Variants in PDE10A observed in about 807,000 individuals in gnomAD.
PDE10A encodes the protein phosphodiesterase 10A.
In PDE10A, 39 loss-of-function variants were observed where a neutral mutation model predicts 97.7. The observed-to-expected ratio is 0.40, with a 90% CI of 0.31 to 0.52. PDE10A has a LOEUF of 0.52. PDE10A is among the 20% of genes least tolerant of loss of function. The pLI is 0.56. For synonymous variants in PDE10A, 371 were observed against 376.8 expected, an observed-to-expected ratio of 0.98 and a Z score of 0.18; for missense variants, 731 against 1,047.8, an observed-to-expected ratio of 0.70 and a Z score of 4.17.
chr6:165,923,597 T>A (rs1038992645), intron 1 of PDE10A, among the ~76,000 whole-genome samples: 15 of 152,216 alleles, frequency 9.9e-5, no homozygotes, highest in African/African-American at 3.6e-4. Context: ...TCAGAGCATG[T>A]GAGTCCTTCA....
intron 1 of PDE10A, among the ~76,000 whole-genome samples, chr6:165,681,288 A>G (rs4709958): frequency 0.87 from 132,320 of 152,252 alleles, 57,688 homozygotes; most frequent in South Asian, 0.92. Context: ...CCTGTTTCCT[A>G]ATACTTAGTT....
intron 1 of PDE10A, among the ~76,000 whole-genome samples, chr6:165,631,089 A>G (rs2128414648): frequency 6.6e-6 from 1 of 152,368 alleles, no homozygotes; most frequent in South Asian, 2.1e-4. Context: ...CATAAAATGA[A>G]GAAATGTCTA....
intron 19 of PDE10A, among the ~76,000 whole-genome samples, chr6:165,342,176 T>C (rs1279710057): frequency 9.9e-6 from 1 of 100,604 alleles, no homozygotes; most frequent in African/African-American, 5.9e-5. Context: ...ACTTATGGCA[T>C]ACTTAAATTT....
chr6:165,413,744 G>T, intron 12 of PDE10A, 57 bp from the exon 13 acceptor site: 1 of 1,384,654 alleles, frequency 7.2e-7, no homozygotes, highest in Non-Finnish European at 1.0e-6. Context: ...AAGAAATAAA[G>T]GACACAGTCA....
intron 2 of PDE10A, among the ~76,000 whole-genome samples, chr6:165,525,397 A>G (rs898334300): frequency 6.6e-6 from 1 of 152,076 alleles, no homozygotes; most frequent in East Asian, 1.9e-4. Context: ...GGTTAGTTGA[A>G]ATATGCATTA....
intron 4 of PDE10A, 123 bp from the exon 5 acceptor site, chr6:165,449,100 C>A: frequency 2.9e-6 from 2 of 688,368 alleles, no homozygotes; most frequent in South Asian, 1.8e-5. Context: ...AATCAATGGT[C>A]ATGCAGTAAA....
At chr6:165,771,834 G>A (rs1261004120) in intron 1 of PDE10A, among the ~76,000 whole-genome samples, 1 of 152,188 alleles carries the variant, frequency 6.6e-6, no homozygotes, top group Admixed American at 6.5e-5. Flanking sequence ...TGAATGCTAG[G>A]TGGCCTGTGG....
intron 1 of PDE10A, among the ~76,000 whole-genome samples, chr6:165,744,642 CATT>C (rs898682008): frequency 3.0e-4 from 45 of 151,808 alleles, no homozygotes; most frequent in African/African-American, 1.1e-3. Flanking sequence ...ACTGGGGAGT[CATT>C]ATCTTGTTTA....
chr6:165,919,610 T>A (rs1031291730), intron 1 of PDE10A, among the ~76,000 whole-genome samples: 5 of 152,210 alleles, frequency 3.3e-5, no homozygotes, highest in African/African-American at 9.6e-5. Context: ...CCTTTCTTTT[T>A]CTATTTACAG....
chr6:165,724,835 G>A (rs765835133), intron 1 of PDE10A, among the ~76,000 whole-genome samples: 2 of 152,268 alleles, frequency 1.3e-5, no homozygotes, highest in East Asian at 1.9e-4. Context: ...CAGCAGCATC[G>A]GCTTCCAGTG....
intron 1 of PDE10A, among the ~76,000 whole-genome samples, chr6:165,691,106 T>TCTCTCTCCCC (rs143783728): frequency 1.8e-4 from 7 of 39,130 alleles, no homozygotes; most frequent in Non-Finnish European, 2.3e-4. Flanking sequence ...TCTTTCTCTC[T>TCTCTCTCCCC]CCCCCCCCCC....
chr6:165,966,195 G>C (rs1784504787), intron 1 of PDE10A, among the ~76,000 whole-genome samples: 1 of 152,084 alleles, frequency 6.6e-6, no homozygotes, highest in Non-Finnish European at 1.5e-5. Context: ...TCTGCAGAAA[G>C]AGTGGAAAAG....
At chr6:165,454,985 C>A (rs1562482785) in intron 3 of PDE10A, among the ~76,000 whole-genome samples, 1 of 152,078 alleles carries the variant, frequency 6.6e-6, no homozygotes, top group East Asian at 1.9e-4. Context: ...GGAGAAGAAT[C>A]CTACTATGCC....
intron 1 of PDE10A, among the ~76,000 whole-genome samples, chr6:165,810,129 G>A: frequency 6.6e-6 from 1 of 152,138 alleles, no homozygotes; most frequent in South Asian, 2.1e-4. Flanking sequence ...CAAGCCAGGT[G>A]GTTCAGGAGA....
chr6:165,376,076 C>G (rs1784587861), intron 18 of PDE10A, among the ~76,000 whole-genome samples: 1 of 152,182 alleles, frequency 6.6e-6, no homozygotes, highest in African/African-American at 2.4e-5. Flanking sequence ...GTAACTTTGT[C>G]CTTCAAGTCC....
intron 1 of PDE10A, among the ~76,000 whole-genome samples, chr6:165,551,932 A>G (rs901956216): frequency 4.6e-5 from 7 of 152,086 alleles, no homozygotes; most frequent in East Asian, 3.9e-4. Context: ...ACTTAGCCCT[A>G]TGCTTCCCCC....
At chr6:165,612,430 G>T (rs563112028) in intron 1 of PDE10A, among the ~76,000 whole-genome samples, 1 of 151,822 alleles carries the variant, frequency 6.6e-6, no homozygotes, top group African/African-American at 2.4e-5. Flanking sequence ...AGGCTGGAGC[G>T]CAGTGGCACA....
At chr6:165,459,185 C>G (rs936089839) in intron 3 of PDE10A, among the ~76,000 whole-genome samples, 2 of 152,240 alleles carry the variant, frequency 1.3e-5, no homozygotes, top group South Asian at 4.1e-4. Context: ...TGGCTGCCTC[C>G]CTGACTTCCT....
intron 1 of PDE10A, among the ~76,000 whole-genome samples, chr6:165,653,278 C>T (rs1382265903): frequency 6.6e-6 from 1 of 152,166 alleles, no homozygotes; most frequent in African/African-American, 2.4e-5. Flanking sequence ...ATGAATGAAA[C>T]ATGCTTCCTA....
Sources: gnomAD v4.1 joint callset for allele counts (sites outside exome capture counted in the v4.1 genomes callset) on GRCh38, gnomAD v4.1.1 for gene constraint, MANE v1.5 for transcripts, NCBI Gene and HGNC (gene_info 2026-07-23, HGNC 2026-07-21) for gene names.